Variants in DNAH11 observed in about 807,000 individuals in gnomAD.
The protein encoded by DNAH11 is axonemal beta dynein heavy chain 11.
A neutral mutation model predicts 526.0 loss-of-function variants in DNAH11; 442 were observed. The ratio of observed to expected loss-of-function variants is 0.84; its 90% CI spans 0.78 to 0.91. DNAH11 has a LOEUF of 0.91. Among genes scored for constraint, DNAH11 ranks in the 40% least tolerant of loss-of-function variants. The pLI, the probability that DNAH11 is intolerant of heterozygous loss-of-function variation, is 0.00. For synonymous variants in DNAH11, 2,461 were observed against 1,935.9 expected, an observed-to-expected ratio of 1.27 and a Z score of -7.12; for missense variants, 6,989 against 5,448.7, an observed-to-expected ratio of 1.28 and a Z score of -8.90.
chr7:21,814,535 G>T (rs1321750569), intron 63 of DNAH11, among the ~76,000 whole-genome samples: 2 of 113,076 alleles, frequency 1.8e-5, no homozygotes, highest in Admixed American at 2.4e-4. Flanking sequence ...CCCACCACAG[G>T]CCCCAGAGTG....
At chr7:21,673,651 C>A (rs560837717) in intron 30 of DNAH11, among the ~76,000 whole-genome samples, 1 of 152,222 alleles carries the variant, frequency 6.6e-6, no homozygotes, top group South Asian at 2.1e-4. Flanking sequence ...TTGCTCATTC[C>A]CATCAGTAAT....
intron 14 of DNAH11, among the ~76,000 whole-genome samples, chr7:21,592,204 A>G (rs1486315702): frequency 3.3e-5 from 5 of 152,194 alleles, no homozygotes; most frequent in Non-Finnish European, 7.3e-5. Flanking sequence ...GAAAAGAACA[A>G]ATAGATATGT....
intron 39 of DNAH11, among the ~76,000 whole-genome samples, chr7:21,707,213 C>A (rs948730637): frequency 2.0e-5 from 3 of 152,160 alleles, no homozygotes; most frequent in African/African-American, 4.8e-5. Context: ...ATTAGCTGGG[C>A]CCTTGTTGGA....
intron 43 of DNAH11, among the ~76,000 whole-genome samples, chr7:21,719,676 G>A: frequency 6.6e-6 from 1 of 152,140 alleles, no homozygotes; most frequent in Non-Finnish European, 1.5e-5. Context: ...TAGAAGCCAA[G>A]AAAGAAGATT....
At chr7:21,646,534 T>C (rs188404867) in intron 28 of DNAH11, among the ~76,000 whole-genome samples, 2 of 152,158 alleles carry the variant, frequency 1.3e-5, no homozygotes, top group South Asian at 2.1e-4. Context: ...AGGAAAGAGT[T>C]GTACAAAGAG....
At chr7:21,653,679 C>T (rs1341160528) in intron 28 of DNAH11, among the ~76,000 whole-genome samples, 1 of 152,098 alleles carries the variant, frequency 6.6e-6, no homozygotes, top group Non-Finnish European at 1.5e-5. Flanking sequence ...GGGTAATGTA[C>T]AGGGATGGAG....
intron 77 of DNAH11, 60 bp from the exon 78 acceptor site, chr7:21,894,563 C>T: frequency 1.3e-6 from 2 of 1,542,102 alleles, no homozygotes; most frequent in Non-Finnish European, 1.8e-6. Flanking sequence ...AGGATATACA[C>T]AGTCACCATG....
intron 25 of DNAH11, among the ~76,000 whole-genome samples, chr7:21,627,044 G>A (rs570164953): frequency 3.0e-4 from 45 of 152,060 alleles, no homozygotes; most frequent in African/African-American, 9.4e-4. Flanking sequence ...CACAGCGCCC[G>A]GCCTGTGTGT....
At chr7:21,558,664 T>G (rs1234691741) in intron 2 of DNAH11, 138 bp from the exon 3 acceptor site, 1 of 656,428 alleles carries the variant, frequency 1.5e-6, no homozygotes, top group African/African-American at 1.9e-5. Flanking sequence ...GTCACTGACT[T>G]TATCCTCTCT....
chr7:21,752,745 T>C (rs1296801705), intron 54 of DNAH11, among the ~76,000 whole-genome samples: 1 of 152,184 alleles, frequency 6.6e-6, no homozygotes, highest in Non-Finnish European at 1.5e-5. Context: ...AGAGTTTCAC[T>C]CTTGTTGCCC....
intron 22 of DNAH11, among the ~76,000 whole-genome samples, chr7:21,617,364 T>A (rs540615826): frequency 6.6e-6 from 1 of 152,360 alleles, no homozygotes; most frequent in East Asian, 1.9e-4. Context: ...TACCTGTGTT[T>A]CCTCATGGGA....
At chr7:21,576,074 T>C (rs114180784) in intron 8 of DNAH11, among the ~76,000 whole-genome samples, 3,188 of 152,300 alleles carry the variant, frequency 0.021, 112 homozygotes, top group African/African-American at 0.072. Flanking sequence ...TACAGTAGCA[T>C]GGCTCACCTG....
intron 81 of DNAH11, 113 bp downstream of exon 81, chr7:21,900,233 C>G (rs771692501): frequency 8.6e-7 from 1 of 1,157,896 alleles, no homozygotes; most frequent in African/African-American, 1.6e-5. Context: ...TAACCTTATG[C>G]TAGTCATTAT....
intron 2 of DNAH11, among the ~76,000 whole-genome samples, chr7:21,554,813 G>A (rs1344912455): frequency 6.6e-6 from 1 of 152,172 alleles, no homozygotes; most frequent in African/African-American, 2.4e-5. Flanking sequence ...CCCTAAGAGG[G>A]AATATGCTAG....
chr7:21,724,629 T>C (rs1785007131), intron 44 of DNAH11, among the ~76,000 whole-genome samples: 1 of 149,598 alleles, frequency 6.7e-6, no homozygotes, highest in Non-Finnish European at 1.5e-5. Context: ...AGCCAGGTCA[T>C]CGTATGAATA....
chr7:21,890,485 T>C (rs1385239063), intron 76 of DNAH11, among the ~76,000 whole-genome samples: 2 of 152,240 alleles, frequency 1.3e-5, no homozygotes, highest in Non-Finnish European at 2.9e-5. Context: ...TTTTAACTTT[T>C]TGATTTATTA....
Position 21,735,609 on chromosome 7 carries a change from G to T in DNAH11, c.7441-31G>T, listed in dbSNP as rs1221020639. On this transcript the variant is annotated intron_variant, in intron 45 of 81. Transcript: ENST00000409508. Reference sequence around the variant, plus strand: ...TCGCACGCACTCTCTCTCTCTTTCTGATCTTTGTCTCATTCTGTTTCTCCT... The same window carrying T: ...TCGCACGCACTCTCTCTCTCTTTCTTATCTTTGTCTCATTCTGTTTCTCCT... 3 of 1,549,434 alleles carry T rather than the reference G, an allele frequency of 1.9e-6. No homozygotes were observed. The African/African-American group carries it at 4.1e-5, about 21-fold the overall frequency.
At chr7:21,724,011 CTG>C (rs1013921939) in intron 44 of DNAH11, among the ~76,000 whole-genome samples, 4 of 152,208 alleles carry the variant, frequency 2.6e-5, no homozygotes, top group African/African-American at 9.7e-5. Flanking sequence ...CCCATAAACT[CTG>C]TGAGAGGAGA....
chr7:21,568,874 A>G (rs1392290505), intron 6 of DNAH11, among the ~76,000 whole-genome samples: 1 of 152,188 alleles, frequency 6.6e-6, no homozygotes, highest in African/African-American at 2.4e-5. Flanking sequence ...GGAATACACC[A>G]TATGCCACAT....
Sources: allele counts gnomAD v4.1 joint callset (sites outside exome capture counted in the v4.1 genomes callset), GRCh38; gene constraint gnomAD v4.1.1; transcripts MANE v1.5; gene names NCBI Gene and HGNC (gene_info 2026-07-23, HGNC 2026-07-21).